GALT: variants seen among roughly 807,000 people sequenced by gnomAD.
The protein encoded by GALT is UDP-glucose--hexose-1-phosphate uridylyltransferase.
GALT carries 42 observed loss-of-function variants against 55.4 expected under a neutral mutation model. That is an observed-to-expected ratio of 0.76 (90% CI 0.59 to 0.98). The LOEUF is 0.98. Among genes scored for constraint, GALT ranks in the 50% least tolerant of loss-of-function variants. GALT has a pLI of 0.00. For missense variants in GALT, 407 were observed against 495.7 expected (o/e 0.82, Z 1.70); for synonymous variants, 154 against 181.5 (o/e 0.85, Z 1.22).
Position 34,648,522 on chromosome 9 carries a change from T to C in GALT, c.687+66T>C, listed in dbSNP as rs1443045807. ...ACTTTCTTATCCCATGAGAGAGGTG[T>C]GTAAAGGAGAAAGCTAGAGGTGAAC... On this transcript the variant is annotated intron_variant, in intron 7 of 10. Coordinates refer to ENST00000378842, the MANE Select transcript of GALT (RefSeq NM_000155.4). This position sits in a 1 kb window ranked among gnomAD's most constrained non-coding sequence, Gnocchi z 4.9. 4 of 1,611,916 alleles carry C rather than the reference T, an allele frequency of 2.5e-6. No individual in the cohort carries two copies. The highest frequency in any genetic ancestry group is 1.3e-5 in the African/African-American group (1 of 74,786).
At position 34,648,539 on chromosome 9, in the gene GALT, G is replaced by A. The variant is rs2132344566; in HGVS notation, c.687+83G>A. On this transcript the variant is annotated intron_variant, in intron 7 of 10. Coordinates refer to ENST00000378842, the MANE Select transcript of GALT (RefSeq NM_000155.4). The surrounding 1 kb of genome is among the most constrained non-coding windows in gnomAD (Gnocchi z 4.9). ...GAGAGGTGTGTAAAGGAGAAAGCTA[G>A]AGGTGAACTAGTAGAGAGAGACTTG... 2 of 1,603,814 alleles carry A rather than the reference G, an allele frequency of 1.2e-6. No homozygotes were observed. The highest frequency in any genetic ancestry group is 2.2e-5 in the East Asian group (1 of 44,828).
Position 34,647,377 on chromosome 9 carries a change from T to C in GALT, c.253-115T>C. On this transcript the variant is annotated intron_variant, in intron 2 of 10. Coordinates refer to ENST00000378842, the MANE Select transcript of GALT (RefSeq NM_000155.4). This position sits in a 1 kb window ranked among gnomAD's most constrained non-coding sequence, Gnocchi z 5.6. ...TCTGGGTCATATCCCACCAAGCTTTTTGGTCCCCTAGGGTGGGCCTTCCCT... is the reference window on the plus strand; with the variant it reads ...TCTGGGTCATATCCCACCAAGCTTTCTGGTCCCCTAGGGTGGGCCTTCCCT... 1 of 1,580,890 alleles carries C rather than the reference T, an allele frequency of 6.3e-7. No homozygotes were observed. Among genetic ancestry groups the C allele is most frequent in the Non-Finnish European group, 8.7e-7 (1 of 1,150,550 alleles).
At position 34,650,554 on chromosome 9, in the gene GALT, A is replaced by G. The variant is rs183251779; in HGVS notation, c.*105A>G. 3,388 of 984,618 alleles carry G rather than the reference A, an allele frequency of 3.4e-3. 11 individuals carry two copies. Among genetic ancestry groups the G allele is most frequent in the Non-Finnish European group, 3.9e-3 (2,483 of 629,610 alleles). 61.0% of individuals were successfully genotyped at this position (984,618 alleles called of 1,614,324 possible). A position where few individuals can be genotyped will look rare whatever the true frequency, so the allele number is the denominator to read the frequency against. On this transcript the variant is annotated 3_prime_UTR_variant, in exon 11 of 11. Coordinates refer to ENST00000378842, the MANE Select transcript of GALT (RefSeq NM_000155.4). ...GGCCTGGAATTTGGGCAGATATAGC[A>G]TTAATAAAACTGTGCATCTCAAACT...
Position 34,649,553 on chromosome 9 carries a change from AC to A in GALT, c.1052del (p.Pro351LeufsTer8), listed in dbSNP as rs111033813. 2 of 1,614,052 alleles carry A rather than the reference AC, an allele frequency of 1.2e-6. No homozygotes were observed. The highest frequency in any genetic ancestry group is 1.1e-5 in the South Asian group (1 of 91,072). Reference protein sequence around the residue: ...EMLAQAQRDLTPEQAAERLRA... With the variant: ...EMLAQAQRDLXPEQAAERLRA... ...GCTTGCTCAGGCTCAGAGGGACCTC[AC>A]CCCTGAGCAGGTCAGGACTCAGAAC... On this transcript the variant is annotated frameshift_variant, in exon 10 of 11. Transcript: ENST00000378842. LOFTEE classifies it high-confidence loss of function.
chr9:34,648,640 A>T lies in GALT; in HGVS notation c.688-122A>T. On this transcript the variant is annotated intron_variant, in intron 7 of 10. Transcript: ENST00000378842. This position sits in a 1 kb window ranked among gnomAD's most constrained non-coding sequence, Gnocchi z 4.9. The stretch of plus-strand genomic sequence containing the variant: ...CTTAGACTCGGGTGGTTAGTGGTAG[A>T]GGTGGTGAGAAGACATCAGATCCTG... 3 of 1,488,884 alleles carry T rather than the reference A, an allele frequency of 2.0e-6. No individual in the cohort carries two copies. The South Asian group carries it at 3.4e-5, about 17-fold the overall frequency. The allele number at this position is 1,488,884 out of a possible 1,614,324, so 92.2% of individuals were successfully genotyped here.
At chr9:34,650,247 C>T in intron 10 of GALT, 122 bp from the exon 11 acceptor site, 1 of 698,042 alleles carries the variant, frequency 1.4e-6, no homozygotes, top group Non-Finnish European at 2.5e-6. Context: ...GGCATCATTG[C>T]ATTCCAGCCT....
intron 10 of GALT, chr9:34,649,866 C>T: frequency 2.7e-6 from 1 of 372,840 alleles, no homozygotes; most frequent in Non-Finnish European, 5.0e-6. Flanking sequence ...GTGGCTTCAG[C>T]AGTCCTTATC....
rs747136664 is a variant in GALT at position 34,647,978 on chromosome 9, C to T, written c.507+17C>T. ...TGGGTGCAGGTTTGTGAGGTCGCCC[C>T]TTCCCCTGGATGGGCAGGGAGGGGG... On this transcript the variant is annotated intron_variant, in intron 5 of 10. Transcript: ENST00000378842. This position sits in a 1 kb window ranked among gnomAD's most constrained non-coding sequence, Gnocchi z 5.6. The T allele has an allele frequency of 6.8e-6, 11 of 1,614,192 alleles. No homozygotes were observed. Among genetic ancestry groups the T allele is most frequent in the South Asian group, 5.5e-5 (5 of 91,070 alleles).
rs111033675 is a variant in GALT, at chr9:34,647,696, G to A, written c.368G>A (p.Arg123Gln). 4 of 1,614,012 alleles carry A rather than the reference G, an allele frequency of 2.5e-6. No homozygotes were observed. The highest frequency in any genetic ancestry group is 2.7e-5 in the African/African-American group (2 of 74,894). Residue 123 changes from arginine (R) to glutamine (Q), a missense_variant, in exon 4 of 11, where the codon CGA becomes CAA. Arg to Gln is a conservative substitution (Grantham distance 43). Transcript: ENST00000378842. This position sits in a 1 kb window ranked among gnomAD's most constrained non-coding sequence, Gnocchi z 5.6. ...DHPLFQAKSA[R>Q]GVCKVMCFHP... ...CCCCTTTTCCAAGCAAAGTCTGCTC[G>A]AGGAGTCTGGTAACTATGGATTTCC... is the stretch of plus-strand genomic sequence containing the variant.
At chr9:34,649,306 G>A (rs974900910) in intron 9 of GALT, 104 bp from the exon 10 acceptor site, 63 of 1,479,852 alleles carry the variant, frequency 4.3e-5, no homozygotes, top group South Asian at 3.8e-4. Flanking sequence ...AGGGGATCCT[G>A]GGAGATGTAG....
chr9:34,646,893 C>T, intron 1 of GALT, 107 bp downstream of exon 1: 1 of 1,607,788 alleles, frequency 6.2e-7, no homozygotes, highest in Non-Finnish European at 8.5e-7. Flanking sequence ...CCGAGCCAGA[C>T]CGACAAGGCG....
At position 34,648,473 on chromosome 9, in the gene GALT, C is replaced by A. The variant is rs745373322; in HGVS notation, c.687+17C>A. On this transcript the variant is annotated intron_variant, in intron 7 of 10. Transcript: ENST00000378842. This position sits in a 1 kb window ranked among gnomAD's most constrained non-coding sequence, Gnocchi z 4.9. Reference sequence around the variant, plus strand: ...CTCAGGAAGGTGGGAGAGAGCCAAGCCCTGTGTCCCCAAGGAGTCCCTAAC... The same window carrying A: ...CTCAGGAAGGTGGGAGAGAGCCAAGACCTGTGTCCCCAAGGAGTCCCTAAC... The A allele has an allele frequency of 6.2e-7, 1 of 1,614,088 alleles. No homozygotes were observed.
Position 34,647,769 on chromosome 9 carries a change from G to T in GALT, c.378-63G>T. On this transcript the variant is annotated intron_variant, in intron 4 of 10. Transcript: ENST00000378842. The surrounding 1 kb of genome is among the most constrained non-coding windows in gnomAD (Gnocchi z 5.6). Reference sequence around the variant, plus strand: ...AGTTGGAGACTCAGCATTGGGGTTCGGCCCTGCCCGTAGCACAGCCAAGCC... The same window carrying T: ...AGTTGGAGACTCAGCATTGGGGTTCTGCCCTGCCCGTAGCACAGCCAAGCC... 4.3e-6 allele frequency: 7 copies of T among 1,614,088 alleles called. No homozygotes were observed. The highest frequency in any genetic ancestry group is 5.9e-6 in the Non-Finnish European group (7 of 1,179,960).
Position 34,647,101 on chromosome 9 carries a change from T to C in GALT, c.95T>C (p.Ile32Thr). ...TGTCTGCCCCCAGACCATCAGCATA[T>C]CCGCTACAACCCGCTGCAGGATGAG... ...ATFRANDHQH[I>T]RYNPLQDEWV... is the part of the protein sequence containing the mutation. The change falls in exon 2 of 11, where the codon ATC (isoleucine) becomes ACC (threonine). Residue 32 changes from isoleucine (I) to threonine (T), a missense_variant. Physicochemically the swap from Ile to Thr is moderately conservative, Grantham distance 89. Transcript: ENST00000378842. This position sits in a 1 kb window ranked among gnomAD's most constrained non-coding sequence, Gnocchi z 5.6. The C allele has an allele frequency of 6.2e-7, 1 of 1,614,130 alleles. No individual in the cohort carries two copies. The highest frequency in any genetic ancestry group is 8.5e-7 in the Non-Finnish European group (1 of 1,180,018).
At chr9:34,649,129 C>A in intron 9 of GALT, 48 bp downstream of exon 9, 1 of 1,555,434 alleles carries the variant, frequency 6.4e-7, no homozygotes, top group Non-Finnish European at 8.9e-7. Flanking sequence ...CATTTCTGGG[C>A]TCCTGGGGCT....
intron 10 of GALT, 32 bp downstream of exon 10, chr9:34,649,596 A>G (rs755362996): frequency 1.2e-5 from 19 of 1,612,808 alleles, no homozygotes; most frequent in Admixed American, 1.7e-5. Context: ...GCGTCTCCAG[A>G]CTCTCACATG....
rs111033815 is a variant in GALT at position 34,649,539 on chromosome 9, C to G, written c.1034C>G (p.Ala345Gly). 1 of 1,614,200 alleles carries G rather than the reference C, an allele frequency of 6.2e-7. No individual in the cohort carries two copies. The change falls in exon 10 of 11, where the codon GCT (alanine) becomes GGT (glycine). Residue 345 changes from alanine to glycine, a missense_variant. Coordinates refer to ENST00000378842, the MANE Select transcript of GALT (RefSeq NM_000155.4). Reference sequence around the variant, plus strand: ...GTTGGCTACGAAATGCTTGCTCAGGCTCAGAGGGACCTCACCCCTGAGCAG... The same window carrying G: ...GTTGGCTACGAAATGCTTGCTCAGGGTCAGAGGGACCTCACCCCTGAGCAG... ...FMVGYEMLAQ[A>G]QRDLTPEQAA...
At chr9:34,650,058 T>C (rs1821215254) in intron 10 of GALT, 1 of 383,658 alleles carries the variant, frequency 2.6e-6, no homozygotes, top group African/African-American at 2.1e-5. Flanking sequence ...GATGGGAGGA[T>C]TGCTTGAGCC....
chr9:34,647,528 A>G lies in GALT; in HGVS notation c.289A>G (p.Asn97Asp), dbSNP rs1564100957. Residue 97 changes from asparagine (N) to aspartate (D), a missense_variant, in exon 3 of 11, where the codon AAC becomes GAC. Coordinates refer to ENST00000378842, the MANE Select transcript of GALT (RefSeq NM_000155.4). This position sits in a 1 kb window ranked among gnomAD's most constrained non-coding sequence, Gnocchi z 5.6. ...PQYDSTFLFDNDFPALQPDAP... is the reference protein window; with the variant it reads ...PQYDSTFLFDDDFPALQPDAP... ...GTACGATAGCACCTTCCTGTTTGAC[A>G]ACGACTTCCCAGCTCTGCAGCCTGA... 1.2e-6 allele frequency: 2 copies of G among 1,614,110 alleles called. No homozygotes were observed. Among genetic ancestry groups the G allele is most frequent in the Non-Finnish European group, 1.7e-6 (2 of 1,180,014 alleles).
Sources: gnomAD v4.1 joint callset for allele counts on GRCh38, gnomAD v4.1.1 for gene constraint, Gnocchi (gnomAD v3.1) non-coding constraint, MANE v1.5 for transcripts, NCBI Gene and HGNC (gene_info 2026-07-23, HGNC 2026-07-21) for gene names.